Variants in ZNF521 observed in about 807,000 individuals in gnomAD.
ZNF521 encodes the protein zinc finger protein 521.
ZNF521 carries 14 observed loss-of-function variants against 105.5 expected under a neutral mutation model. The ratio of observed to expected loss-of-function variants is 0.13; its 90% confidence interval spans 0.09 to 0.21. ZNF521 has a LOEUF of 0.21. ZNF521 is among the 10% of genes least tolerant of loss of function. The pLI is 1.00. For synonymous variants in ZNF521, 635 were observed against 606.0 expected, an observed-to-expected ratio of 1.05 and a Z score of -0.70; for missense variants, 1,233 against 1,629.7, an observed-to-expected ratio of 0.76 and a Z score of 4.19.
intron 3 of ZNF521, among the ~76,000 whole-genome samples, chr18:25,275,172 T>C (rs1909949265): frequency 6.6e-6 from 1 of 152,232 alleles, no homozygotes; most frequent in Admixed American, 6.5e-5. Flanking sequence ...CACTGGATCC[T>C]GCTGCGATAA....
chr18:25,159,358 A>T (rs2035207598), intron 5 of ZNF521, among the ~76,000 whole-genome samples: 1 of 152,212 alleles, frequency 6.6e-6, no homozygotes, highest in African/African-American at 2.4e-5. Flanking sequence ...ATCCAGGAAT[A>T]TCCTGGGGGC....
At chr18:25,330,072 CT>C (rs777095451) in intron 2 of ZNF521, among the ~76,000 whole-genome samples, 3 of 152,120 alleles carry the variant, frequency 2.0e-5, no homozygotes, top group Non-Finnish European at 4.4e-5. Context: ...CAGGTTTTTT[CT>C]TTTACCCATA....
rs535833440 is a variant in ZNF521, at chr18:25,254,400, C to T, written c.221-26703G>A. 3.9e-5 allele frequency among the ~76,000 whole-genome samples: 6 copies of T among 152,290 alleles called. No homozygotes were observed. In the South Asian group the frequency reaches 1.2e-3, roughly 32 times the overall value. On this transcript the variant is annotated intron_variant, in intron 3 of 7. Coordinates refer to ENST00000361524, the MANE Select transcript of ZNF521 (RefSeq NM_015461.3). ...ATGTTCCCTAGCAATAAAATAACAA[C>T]ATGTCCATCAGCTACTACCCAGGAC...
intron 3 of ZNF521, among the ~76,000 whole-genome samples, chr18:25,242,048 G>A (rs1907374068): frequency 1.3e-5 from 2 of 152,166 alleles, no homozygotes; most frequent in African/African-American, 2.4e-5. Context: ...AGTGATCGAT[G>A]TTTATGTTTA....
chr18:25,347,625 C>CA (rs1226340803), intron 2 of ZNF521, among the ~76,000 whole-genome samples: 1 of 152,094 alleles, frequency 6.6e-6, no homozygotes, highest in Non-Finnish European at 1.5e-5. Flanking sequence ...TTCCTACAAA[C>CA]AAAAAACCCA....
chr18:25,063,065 T>G (rs1466292915), intron 7 of ZNF521, among the ~76,000 whole-genome samples: 1 of 152,168 alleles, frequency 6.6e-6, no homozygotes, highest in Admixed American at 6.5e-5. Context: ...GCACCTTGCC[T>G]TTTCTCCACC....
At chr18:25,125,120 C>T (rs1361328293) in intron 5 of ZNF521, among the ~76,000 whole-genome samples, 1 of 152,068 alleles carries the variant, frequency 6.6e-6, no homozygotes, top group African/African-American at 2.4e-5. Context: ...TCACCCTCCA[C>T]ATAATATTTG....
At chr18:25,284,465 C>CA (rs554281560) in intron 3 of ZNF521, among the ~76,000 whole-genome samples, 9 of 152,124 alleles carry the variant, frequency 5.9e-5, no homozygotes, top group African/African-American at 2.2e-4. Flanking sequence ...ATACGTCACA[C>CA]AAAAAAATCA....
At chr18:25,349,261 G>C (rs1424479858) in intron 2 of ZNF521, among the ~76,000 whole-genome samples, 1 of 152,108 alleles carries the variant, frequency 6.6e-6, no homozygotes, top group Non-Finnish European at 1.5e-5. Context: ...GGCAAGTCTC[G>C]CCGGCGCGAG....
Position 25,225,025 on chromosome 18 carries a change from C to T in ZNF521, c.2893G>A (p.Gly965Arg). 1.2e-6 allele frequency: 2 copies of T among 1,614,126 alleles called. No homozygotes were observed. Among genetic ancestry groups the T allele is most frequent in the Non-Finnish European group, 1.7e-6 (2 of 1,180,016 alleles). The change falls in exon 4 of 8, where the codon GGA (glycine) becomes AGA (arginine). Residue 965 changes from glycine (G) to arginine (R), a missense_variant. Coordinates refer to ENST00000361524, the MANE Select transcript of ZNF521 (RefSeq NM_015461.3). The surrounding 1 kb of genome is among the most constrained non-coding windows in gnomAD (Gnocchi z 5.6). ...GTTAAAAGGGAGGGAAACCGCTCTCCGCAAATAGGGCACATGTAGTGTTTG... is the reference window on the plus strand; with the variant it reads ...GTTAAAAGGGAGGGAAACCGCTCTCTGCAAATAGGGCACATGTAGTGTTTG... ...PVKHYMCPIC[G>R]ERFPSLLTLT...
chr18:25,232,638 A>G (rs1464404913), intron 3 of ZNF521, among the ~76,000 whole-genome samples: 4 of 152,252 alleles, frequency 2.6e-5, no homozygotes, highest in Non-Finnish European at 5.9e-5. Context: ...ACATTAAATT[A>G]TCAAACATGG....
At chr18:25,256,672 G>A (rs1908530753) in intron 3 of ZNF521, among the ~76,000 whole-genome samples, 1 of 152,048 alleles carries the variant, frequency 6.6e-6, no homozygotes, top group Non-Finnish European at 1.5e-5. Flanking sequence ...CCAGAGGCCA[G>A]ATAATTCTGA....
intron 5 of ZNF521, among the ~76,000 whole-genome samples, chr18:25,176,943 A>G (rs550926117): frequency 2.8e-4 from 43 of 152,290 alleles, no homozygotes; most frequent in African/African-American, 9.9e-4. Flanking sequence ...TTTACTCCCA[A>G]TACTCGCTGT....
chr18:25,234,046 C>T (rs781592541), intron 3 of ZNF521, among the ~76,000 whole-genome samples: 1 of 152,284 alleles, frequency 6.6e-6, no homozygotes, highest in East Asian at 1.9e-4. Context: ...CATCCTCTCT[C>T]GCACGGAAAT....
chr18:25,303,995 T>G (rs778858630), intron 3 of ZNF521, among the ~76,000 whole-genome samples: 4 of 152,194 alleles, frequency 2.6e-5, no homozygotes, highest in Non-Finnish European at 5.9e-5. Flanking sequence ...ATTAACTAAT[T>G]AACAATTGTC....
At chr18:25,299,908 C>T (rs1481274670) in intron 3 of ZNF521, among the ~76,000 whole-genome samples, 2 of 152,168 alleles carry the variant, frequency 1.3e-5, no homozygotes, top group African/African-American at 4.8e-5. Context: ...AACTGCCATC[C>T]CACGTGCTCC....
intron 5 of ZNF521, among the ~76,000 whole-genome samples, chr18:25,099,000 G>C (rs1225775013): frequency 6.6e-6 from 1 of 152,142 alleles, no homozygotes; most frequent in Non-Finnish European, 1.5e-5. Flanking sequence ...TGCCTACAAA[G>C]AGTGGTGTGT....
At chr18:25,323,960 C>T (rs903851190) in intron 2 of ZNF521, among the ~76,000 whole-genome samples, 4 of 151,664 alleles carry the variant, frequency 2.6e-5, no homozygotes, top group East Asian at 1.9e-4. Flanking sequence ...TCAAAGAGCA[C>T]GTAGTTTTGT....
intron 7 of ZNF521, among the ~76,000 whole-genome samples, chr18:25,065,045 T>G (rs1225847418): frequency 6.6e-6 from 1 of 152,214 alleles, no homozygotes; most frequent in Non-Finnish European, 1.5e-5. Context: ...ACTTTGCTAT[T>G]TTCTGAAAAA....
Sources: allele counts gnomAD v4.1 joint callset (sites outside exome capture counted in the v4.1 genomes callset), GRCh38; gene constraint gnomAD v4.1.1; non-coding constraint Gnocchi (gnomAD v3.1); transcripts MANE v1.5; gene names NCBI Gene and HGNC (gene_info 2026-07-23, HGNC 2026-07-21).